SUGCT: variants seen among roughly 807,000 people sequenced by gnomAD.
SUGCT encodes succinyl-CoA:glutarate CoA-transferase.
Under a neutral mutation model 55.0 loss-of-function variants are expected in SUGCT, and 41 were observed. The ratio of observed to expected loss-of-function variants is 0.74; its 90% CI spans 0.58 to 0.97. The LOEUF is 0.97. SUGCT is among the 50% of genes least tolerant of loss of function. The pLI is 0.00. For missense variants in SUGCT, 568 were observed against 547.8 expected (o/e 1.04, Z -0.37); for synonymous variants, 187 against 200.4 (o/e 0.93, Z 0.56).
chr7:40,888,671 G>A, the SUGCT span, among the ~76,000 whole-genome samples: 1 of 152,320 alleles, frequency 6.6e-6, no homozygotes, highest in African/African-American at 2.4e-5. Context: ...GAACACCCAA[G>A]CAGGGACTAC....
the SUGCT span, among the ~76,000 whole-genome samples, chr7:41,020,921 C>T: frequency 3.3e-5 from 5 of 152,184 alleles, no homozygotes; most frequent in African/African-American, 1.2e-4. Flanking sequence ...TGGGATAATT[C>T]ACATTTAGAT....
chr7:40,305,555 A>G (rs1794805368), intron 8 of SUGCT, among the ~76,000 whole-genome samples: 1 of 152,126 alleles, frequency 6.6e-6, no homozygotes, highest in African/African-American at 2.4e-5. Flanking sequence ...ATTTCAAACC[A>G]TAATCCCTCC....
chr7:40,500,334 C>G (rs1055513566), intron 12 of SUGCT, among the ~76,000 whole-genome samples: 2 of 152,116 alleles, frequency 1.3e-5, no homozygotes, highest in Admixed American at 6.6e-5. Flanking sequence ...CCTGAAGCAT[C>G]ACTTCTGAGA....
intron 13 of SUGCT, among the ~76,000 whole-genome samples, chr7:40,778,060 G>C (rs1478191901): frequency 6.6e-6 from 1 of 152,182 alleles, no homozygotes; most frequent in African/African-American, 2.4e-5. Context: ...CAGCGACTTA[G>C]TTTGCCAGTT....
At chr7:40,890,139 G>GAGGTA in the SUGCT span, among the ~76,000 whole-genome samples, 2 of 150,210 alleles carry the variant, frequency 1.3e-5, no homozygotes, top group Non-Finnish European at 3.0e-5. Flanking sequence ...GAGCAACTGA[G>GAGGTA]AGGTAAGCCT....
At chr7:40,313,783 A>C (rs1795287381) in intron 8 of SUGCT, among the ~76,000 whole-genome samples, 1 of 151,412 alleles carries the variant, frequency 6.6e-6, no homozygotes, top group African/African-American at 2.4e-5. Context: ...AGTAGAGACA[A>C]GGTTTGCTAT....
chr7:40,350,260 C>T (rs890665130), intron 9 of SUGCT, among the ~76,000 whole-genome samples: 1 of 149,876 alleles, frequency 6.7e-6, no homozygotes, highest in Non-Finnish European at 1.5e-5. Context: ...GTAAGTGAAT[C>T]ATACTCATTA....
intron 12 of SUGCT, among the ~76,000 whole-genome samples, chr7:40,667,004 A>G (rs1459143101): frequency 1.3e-5 from 2 of 151,642 alleles, no homozygotes; most frequent in Non-Finnish European, 2.9e-5. Flanking sequence ...GATCCCAGCT[A>G]CTTGGGAGGC....
At chr7:40,934,771 T>C in the SUGCT span, among the ~76,000 whole-genome samples, 3 of 152,224 alleles carry the variant, frequency 2.0e-5, no homozygotes, top group Non-Finnish European at 4.4e-5. Context: ...AATCTCCTGA[T>C]CTGCCGGTTG....
the SUGCT span, among the ~76,000 whole-genome samples, chr7:41,028,732 G>T: frequency 6.6e-6 from 1 of 152,200 alleles, no homozygotes; most frequent in Admixed American, 6.5e-5. Context: ...TGACTAAAAT[G>T]TTGTCATGCA....
At chr7:40,972,750 A>T in the SUGCT span, among the ~76,000 whole-genome samples, 1 of 152,184 alleles carries the variant, frequency 6.6e-6, no homozygotes, top group Non-Finnish European at 1.5e-5. Context: ...CAAGAGATTT[A>T]TCTAGGGCTA....
chr7:40,805,053 G>A (rs911959340), intron 13 of SUGCT, among the ~76,000 whole-genome samples: 3 of 152,126 alleles, frequency 2.0e-5, no homozygotes, highest in Non-Finnish European at 4.4e-5. Flanking sequence ...ATGTCTACAC[G>A]AAAGCACACT....
At chr7:40,744,038 C>T (rs1199989677) in intron 12 of SUGCT, among the ~76,000 whole-genome samples, 1 of 152,038 alleles carries the variant, frequency 6.6e-6, no homozygotes, top group Non-Finnish European at 1.5e-5. Flanking sequence ...TCTCCTGTCT[C>T]AGCCTCCCGA....
At chr7:40,910,259 A>C in the SUGCT span, among the ~76,000 whole-genome samples, 1 of 151,902 alleles carries the variant, frequency 6.6e-6, no homozygotes, top group African/African-American at 2.4e-5. Flanking sequence ...TGGAGACGGA[A>C]GACTAAGACC....
intron 12 of SUGCT, among the ~76,000 whole-genome samples, chr7:40,515,423 T>C (rs1793181843): frequency 6.6e-6 from 1 of 152,220 alleles, no homozygotes; most frequent in African/African-American, 2.4e-5. Flanking sequence ...CACCATCTAA[T>C]TTCAGGACAT....
At chr7:40,208,154 G>A (rs1042795910) in intron 6 of SUGCT, among the ~76,000 whole-genome samples, 1 of 152,190 alleles carries the variant, frequency 6.6e-6, no homozygotes, top group Non-Finnish European at 1.5e-5. Flanking sequence ...GAGACAGGAA[G>A]TAAAATGGTA....
chr7:40,209,686 T>C (rs1245652585), intron 6 of SUGCT, among the ~76,000 whole-genome samples: 1 of 151,778 alleles, frequency 6.6e-6, no homozygotes, highest in Admixed American at 6.6e-5. Flanking sequence ...ATCTTAGCTA[T>C]GTGGGATGCT....
In SUGCT at chr7:40,512,386, T is replaced by G. The variant is rs560449093; in HGVS notation, c.1089+16000T>G. ...TAAGATGGAGTTATGGATATCTGAA[T>G]TTTTAAAAGATTCTGCAAGGATTCC... is the stretch of plus-strand genomic sequence containing the variant. On this transcript the variant is annotated intron_variant, in intron 12 of 13. Transcript: ENST00000335693. 5.8e-4 allele frequency among the ~76,000 whole-genome samples: 88 copies of G among 152,276 alleles called. 1 individual carries two copies. Among genetic ancestry groups the G allele is most frequent in the African/African-American group, 2.0e-3 (83 of 41,560 alleles).
chr7:40,948,231 T>A, the SUGCT span, among the ~76,000 whole-genome samples: 1 of 152,226 alleles, frequency 6.6e-6, no homozygotes, highest in Non-Finnish European at 1.5e-5. Flanking sequence ...ATTCCTTCTC[T>A]GCATGAAAAT....
Sources: gnomAD v4.1 joint callset for allele counts (sites outside exome capture counted in the v4.1 genomes callset) on GRCh38, gnomAD v4.1.1 for gene constraint, MANE v1.5 for transcripts, NCBI Gene and HGNC (gene_info 2026-07-23, HGNC 2026-07-21) for gene names.